The following RBFOX1 variants were observed in gnomAD, a reference collection of about 807,000 sequenced individuals.
RBFOX1 encodes the protein RNA binding fox-1 homolog 1.
RBFOX1 carries 8 observed loss-of-function variants against 57.7 expected under a neutral mutation model. The ratio of observed to expected loss-of-function variants is 0.14; its 90% CI spans 0.08 to 0.25. The LOEUF (loss-of-function observed/expected upper bound fraction) is 0.25, where lower values mean the gene tolerates loss of function less well. Among genes scored for constraint, RBFOX1 ranks in the 10% least tolerant of loss-of-function variants. The pLI, the probability that RBFOX1 is intolerant of heterozygous loss-of-function variation, is 1.00. For missense variants in RBFOX1, 611 were observed against 548.5 expected, an observed-to-expected ratio of 1.11 and a Z score of -1.14; for synonymous variants, 326 against 222.4, an observed-to-expected ratio of 1.47 and a Z score of -4.15.
chr16:7,332,851 T>C (rs915845964), intron 4 of RBFOX1: 9 of 1,455,400 alleles, frequency 6.2e-6, no homozygotes, highest in Non-Finnish European at 6.3e-6. Context: ...TTTTCTTTCT[T>C]TCCTCTCCCG....
chr16:6,502,546 C>G (rs576161171), intron 2 of RBFOX1, among the ~76,000 whole-genome samples: 13 of 152,244 alleles, frequency 8.5e-5, no homozygotes, highest in African/African-American at 2.9e-4. Context: ...TAGCATAGTA[C>G]CTAACACATA....
At chr16:5,591,842 A>C (rs1362939775) in intron 2 of RBFOX1, among the ~76,000 whole-genome samples, 1 of 152,218 alleles carries the variant, frequency 6.6e-6, no homozygotes, top group African/African-American at 2.4e-5. Flanking sequence ...CCTTGGCACA[A>C]GTCATGTTAT....
chr16:6,818,909 C>T (rs140131489), intron 3 of RBFOX1, among the ~76,000 whole-genome samples: 1 of 152,198 alleles, frequency 6.6e-6, no homozygotes, highest in Non-Finnish European at 1.5e-5. Flanking sequence ...TCGATTTCCT[C>T]TGGGCATGCT....
intron 4 of RBFOX1, among the ~76,000 whole-genome samples, chr16:5,908,174 A>G (rs186680293): frequency 5.5e-5 from 8 of 144,652 alleles, no homozygotes; most frequent in African/African-American, 1.6e-4. Context: ...ATACACATAT[A>G]TACACATATA....
At chr16:6,518,542 A>G (rs1205288839) in intron 2 of RBFOX1, among the ~76,000 whole-genome samples, 4 of 151,774 alleles carry the variant, frequency 2.6e-5, no homozygotes, top group Admixed American at 1.3e-4. Context: ...CCAGTTCAAA[A>G]TCATGCTCTG....
chr16:6,353,226 G>A (rs560695314), intron 2 of RBFOX1, among the ~76,000 whole-genome samples: 4 of 152,138 alleles, frequency 2.6e-5, no homozygotes, highest in South Asian at 2.1e-4. Flanking sequence ...AAATGCTGCC[G>A]CTTTTATCAT....
At chr16:6,145,044 T>A (rs1597752924) in intron 1 of RBFOX1, among the ~76,000 whole-genome samples, 1 of 152,260 alleles carries the variant, frequency 6.6e-6, no homozygotes, top group East Asian at 1.9e-4. Flanking sequence ...CTTTTTTTTT[T>A]AACTTTAAAG....
chr16:6,859,411 T>C (rs575132542), intron 3 of RBFOX1, among the ~76,000 whole-genome samples: 1 of 151,898 alleles, frequency 6.6e-6, no homozygotes, highest in Non-Finnish European at 1.5e-5. Flanking sequence ...TCTAATATCA[T>C]AATTGATTTT....
chr16:6,500,876 GTTTTTTTTTTTT>G (rs1190261525), intron 2 of RBFOX1, among the ~76,000 whole-genome samples: 2 of 30,134 alleles, frequency 6.6e-5, no homozygotes, highest in African/African-American at 1.3e-4. Flanking sequence ...TTGGGGAGTA[GTTTTTTTTTTTT>G]TTTTTTTTTT....
At chr16:6,935,904 C>G (rs945688508) in intron 3 of RBFOX1, among the ~76,000 whole-genome samples, 1 of 152,116 alleles carries the variant, frequency 6.6e-6, no homozygotes, top group African/African-American at 2.4e-5. Context: ...GCTAATGGAA[C>G]CCTTGGGTTT....
chr16:5,421,273 C>G (rs948326358), intron 1 of RBFOX1, among the ~76,000 whole-genome samples: 8 of 152,134 alleles, frequency 5.3e-5, no homozygotes, highest in African/African-American at 1.9e-4. Flanking sequence ...TCCCAAAGTG[C>G]TGGGATTCCA....
intron 4 of RBFOX1, 137 bp downstream of exon 4, chr16:7,052,235 C>T (rs988502681): frequency 4.6e-5 from 62 of 1,344,404 alleles, no homozygotes; most frequent in Non-Finnish European, 6.1e-5. Context: ...AATATTTATC[C>T]CAGCTTATTT....
In RBFOX1 at chr16:7,673,996, C is replaced by T. The variant is rs138906126; in HGVS notation, c.931-2778C>T. ...ACCTTGAAGAAGTTCTGGATATGCTCAGTGAGCTGCAAAATACAGAGCGAT... is the reference window on the plus strand; with the variant it reads ...ACCTTGAAGAAGTTCTGGATATGCTTAGTGAGCTGCAAAATACAGAGCGAT... On this transcript the variant is annotated intron_variant, in intron 13 of 15. Coordinates refer to ENST00000550418, the MANE Select transcript of RBFOX1 (RefSeq NM_018723.4). Among the ~76,000 whole-genome samples, 881 of 152,270 alleles carry T rather than the reference C, an allele frequency of 5.8e-3. 19 individuals are homozygous for T. Among genetic ancestry groups the T allele is most frequent in the African/African-American group, 0.019 (809 of 41,542 alleles).
intron 1 of RBFOX1, among the ~76,000 whole-genome samples, chr16:5,462,999 G>T (rs191109785): frequency 6.6e-6 from 1 of 152,182 alleles, no homozygotes; most frequent in African/African-American, 2.4e-5. Flanking sequence ...AAAAGAAAGT[G>T]AGCAGATCAA....
chr16:7,139,176 C>CTCTCTCTGTGTG (rs372381673), intron 4 of RBFOX1, among the ~76,000 whole-genome samples: 5,630 of 145,810 alleles, frequency 0.039, 152 homozygotes, highest in East Asian at 0.064. Flanking sequence ...CAATCTCTCT[C>CTCTCTCTGTGTG]TGTGTGTGTG....
intron 7 of RBFOX1, among the ~76,000 whole-genome samples, chr16:7,590,175 G>A (rs2094366666): frequency 6.6e-6 from 1 of 152,058 alleles, no homozygotes; most frequent in African/African-American, 2.4e-5. Context: ...GCTGAGGCAG[G>A]AGGATTGCTT....
At chr16:6,652,413 A>T (rs1379397849) in intron 2 of RBFOX1, among the ~76,000 whole-genome samples, 1 of 151,738 alleles carries the variant, frequency 6.6e-6, no homozygotes, top group East Asian at 1.9e-4. Context: ...TCGCCACTGC[A>T]CTCCAGTCTG....
chr16:6,580,744 A>C (rs1388489442), intron 2 of RBFOX1, among the ~76,000 whole-genome samples: 1 of 152,138 alleles, frequency 6.6e-6, no homozygotes, highest in Non-Finnish European at 1.5e-5. Flanking sequence ...TCAGAGAAGT[A>C]AGTTCCCTGG....
chr16:7,473,567 G>T (rs1049165370), intron 4 of RBFOX1, among the ~76,000 whole-genome samples: 2 of 151,100 alleles, frequency 1.3e-5, no homozygotes, highest in African/African-American at 4.8e-5. Flanking sequence ...AGCGAAAGCA[G>T]TTTGCTTGTT....
Sources: gnomAD v4.1 joint callset for allele counts (sites outside exome capture counted in the v4.1 genomes callset) on GRCh38, gnomAD v4.1.1 for gene constraint, MANE v1.5 for transcripts, NCBI Gene and HGNC (gene_info 2026-07-23, HGNC 2026-07-21) for gene names.